CYYR1: variants seen among roughly 807,000 people sequenced by gnomAD.
CYYR1 encodes cysteine and tyrosine-rich protein 1.
A neutral mutation model predicts 15.2 loss-of-function variants in CYYR1; 14 were observed. The ratio of observed to expected loss-of-function variants is 0.92; its 90% CI spans 0.61 to 1.44. The LOEUF (loss-of-function observed/expected upper bound fraction) is 1.44, where lower values mean the gene tolerates loss of function less well. Among genes scored for constraint, CYYR1 ranks in the 40% most tolerant of loss-of-function variants. The probability of loss-of-function intolerance (pLI) is 0.00; values close to 1 mark genes in which losing one functional copy is unlikely to be tolerated. For missense variants in CYYR1, 228 were observed against 209.5 expected (o/e 1.09, Z -0.54); for synonymous variants, 80 against 77.4 (o/e 1.03, Z -0.18).
intron 2 of CYYR1, among the ~76,000 whole-genome samples, chr21:26,520,870 A>C (rs1334198698): frequency 1.3e-5 from 2 of 152,206 alleles, no homozygotes; most frequent in African/African-American, 2.4e-5. Flanking sequence ...ATATGAGATC[A>C]TGTCTTTTGC....
intron 2 of CYYR1, among the ~76,000 whole-genome samples, chr21:26,519,686 C>T (rs2065777990): frequency 6.6e-6 from 1 of 152,122 alleles, no homozygotes; most frequent in Non-Finnish European, 1.5e-5. Flanking sequence ...GGGCTGAGAA[C>T]AGACTATCTA....
Position 26,531,268 on chromosome 21 carries a change from G to A in CYYR1, c.176+34998C>T, listed in dbSNP as rs147221183. On this transcript the variant is annotated intron_variant, in intron 2 of 3. Transcript: ENST00000652641. The stretch of plus-strand genomic sequence containing the variant: ...TGGATTGGATGGATGACTATTGCAA[G>A]ATTGTGTTATTCCTTGACAACCGTT... Among the ~76,000 whole-genome samples, 127 of 152,260 alleles carry A rather than the reference G, an allele frequency of 8.3e-4. 2 individuals are homozygous for A. Among genetic ancestry groups the A allele is most frequent in the African/African-American group, 2.8e-3 (118 of 41,560 alleles).
intron 1 of CYYR1, among the ~76,000 whole-genome samples, chr21:26,567,647 T>G (rs1054281102): frequency 1.3e-5 from 2 of 152,192 alleles, no homozygotes; most frequent in African/African-American, 4.8e-5. Flanking sequence ...AATAATCCAT[T>G]TCCAGCTCAA....
At chr21:26,526,742 G>A (rs1279596366) in intron 2 of CYYR1, among the ~76,000 whole-genome samples, 1 of 152,124 alleles carries the variant, frequency 6.6e-6, no homozygotes, top group Non-Finnish European at 1.5e-5. Flanking sequence ...GGTCAACCAG[G>A]TATTAGCTAA....
intron 2 of CYYR1, among the ~76,000 whole-genome samples, chr21:26,521,319 C>T (rs891984409): frequency 6.6e-6 from 1 of 152,146 alleles, no homozygotes; most frequent in South Asian, 2.1e-4. Context: ...TCAAATAACC[C>T]ATCATGCTAA....
chr21:26,512,667 T>C (rs1176842644), intron 2 of CYYR1, among the ~76,000 whole-genome samples: 1 of 152,244 alleles, frequency 6.6e-6, no homozygotes, highest in Non-Finnish European at 1.5e-5. Context: ...TCAGTGTCTA[T>C]AAATAAAATT....
chr21:26,499,841 T>C (rs550114603), intron 2 of CYYR1, among the ~76,000 whole-genome samples: 2 of 150,852 alleles, frequency 1.3e-5, no homozygotes, highest in Non-Finnish European at 3.0e-5. Flanking sequence ...TTTTTGTTTT[T>C]TTTTTTTTTT....
intron 3 of CYYR1, among the ~76,000 whole-genome samples, chr21:26,473,105 G>T (rs1253742854): frequency 4.6e-5 from 7 of 151,916 alleles, no homozygotes; most frequent in African/African-American, 1.7e-4. Flanking sequence ...AATGACCAAG[G>T]TGTATCTTTT....
At chr21:26,498,829 A>G (rs1374571305) in intron 2 of CYYR1, among the ~76,000 whole-genome samples, 1 of 152,092 alleles carries the variant, frequency 6.6e-6, no homozygotes, top group Non-Finnish European at 1.5e-5. Context: ...AAAGGGGGAA[A>G]AGCCCCTTAT....
At chr21:26,499,085 G>A (rs908620512) in intron 2 of CYYR1, among the ~76,000 whole-genome samples, 1 of 152,156 alleles carries the variant, frequency 6.6e-6, no homozygotes, top group African/African-American at 2.4e-5. Flanking sequence ...CACTAATTGG[G>A]AGGCTGCTAT....
At chr21:26,488,282 T>TTCCTTCCC (rs1156282921) in intron 2 of CYYR1, among the ~76,000 whole-genome samples, 1 of 151,482 alleles carries the variant, frequency 6.6e-6, no homozygotes, top group Admixed American at 6.6e-5. Flanking sequence ...CCTTCCTTCC[T>TTCCTTCCC]TCCAGACAAG....
rs897969381 is a variant in CYYR1, at chr21:26,483,370, T to C, written c.177-2941A>G. ...TCATTTTGATCTCATTCATATTTGA[T>C]GTTTTCTTCAAATGTCTGGTGATCC... On this transcript the variant is annotated intron_variant, in intron 2 of 3. Transcript: ENST00000652641. 6 of 715,502 alleles carry C rather than the reference T, an allele frequency of 8.4e-6. No individual in the cohort carries two copies. In the African/African-American group the frequency reaches 9.8e-5, roughly 12 times the overall value. 44.3% of individuals were successfully genotyped at this position (715,502 alleles called of 1,614,324 possible).
At chr21:26,504,430 C>T (rs2065527130) in intron 2 of CYYR1, among the ~76,000 whole-genome samples, 1 of 151,970 alleles carries the variant, frequency 6.6e-6, no homozygotes, top group Non-Finnish European at 1.5e-5. Flanking sequence ...ACCACCACGC[C>T]TGGCTAATTT....
intron 2 of CYYR1, among the ~76,000 whole-genome samples, chr21:26,501,013 G>C (rs2065474299): frequency 6.6e-6 from 1 of 152,102 alleles, no homozygotes; most frequent in Non-Finnish European, 1.5e-5. Context: ...ATTTCATCCA[G>C]GAAATCCTAG....
chr21:26,483,412 C>CAAAAAAAAAAA (rs10533983), intron 2 of CYYR1: 1 of 821,914 alleles, frequency 1.2e-6, no homozygotes, highest in Non-Finnish European at 1.5e-6. Context: ...TCTCTCCTAT[C>CAAAAAAAAAAA]AAAAAAAAAA....
At chr21:26,511,236 T>A (rs538572015) in intron 2 of CYYR1, among the ~76,000 whole-genome samples, 152 of 152,382 alleles carry the variant, frequency 1.0e-3, no homozygotes, top group African/African-American at 3.5e-3. Flanking sequence ...ATCTGTGTTA[T>A]ACACACATAC....
At chr21:26,496,359 G>T (rs2065404445) in intron 2 of CYYR1, among the ~76,000 whole-genome samples, 1 of 152,108 alleles carries the variant, frequency 6.6e-6, no homozygotes, top group South Asian at 2.1e-4. Flanking sequence ...AACTGGAAAA[G>T]AAGAATATTT....
intron 2 of CYYR1, among the ~76,000 whole-genome samples, chr21:26,535,293 T>C (rs763505333): frequency 4.7e-4 from 72 of 152,292 alleles, no homozygotes; most frequent in Non-Finnish European, 8.4e-4. Context: ...TAAGAGGAAC[T>C]TTATCTCTTG....
chr21:26,502,746 T>A (rs945078896), intron 2 of CYYR1, among the ~76,000 whole-genome samples: 1 of 152,150 alleles, frequency 6.6e-6, no homozygotes, highest in African/African-American at 2.4e-5. Flanking sequence ...TCCTATTGTT[T>A]GTTTCTATGT....
Sources: allele counts gnomAD v4.1 joint callset (sites outside exome capture counted in the v4.1 genomes callset), GRCh38; gene constraint gnomAD v4.1.1; transcripts MANE v1.5; gene names NCBI Gene and HGNC (gene_info 2026-07-23, HGNC 2026-07-21).